The following ABLIM2 variants were observed in gnomAD, a reference collection of about 807,000 sequenced individuals.
ABLIM2 encodes actin-binding LIM protein 2.
In ABLIM2, 53 loss-of-function variants were observed where a neutral mutation model predicts 97.7. That is an observed-to-expected ratio of 0.54 (90% CI 0.44 to 0.68). The LOEUF (loss-of-function observed/expected upper bound fraction) is 0.68, where lower values mean the gene tolerates loss of function less well. Among genes scored for constraint, ABLIM2 ranks in the 30% least tolerant of loss-of-function variants. The probability of loss-of-function intolerance (pLI) is 0.00; values close to 1 mark genes in which losing one functional copy is unlikely to be tolerated. For missense variants in ABLIM2, 835 were observed against 867.2 expected (o/e 0.96, Z 0.47); for synonymous variants, 361 against 345.8 (o/e 1.04, Z -0.49).
At chr4:7,983,622 G>T in intron 18 of ABLIM2, 68 bp from the exon 19 acceptor site, 1 of 1,579,576 alleles carries the variant, frequency 6.3e-7, no homozygotes, top group South Asian at 1.1e-5. Context: ...CAAGGTGAGT[G>T]CAATCCCTGC....
Position 8,069,663 on chromosome 4 carries a change from C to T in ABLIM2, c.675+7965G>A, listed in dbSNP as rs1360632521. ...GTGTGCTGTCTTGGTTGTCTGTGTG[C>T]ATTTCTGTGTGTCTCTGTGTGTGTT... On this transcript the variant is annotated intron_variant, in intron 6 of 20. Coordinates refer to ENST00000447017, the MANE Select transcript of ABLIM2 (RefSeq NM_001130083.2). This position sits in a 1 kb window ranked among gnomAD's most constrained non-coding sequence, Gnocchi z 4.2. Among the ~76,000 whole-genome samples, 1 of 151,630 alleles carries T rather than the reference C, an allele frequency of 6.6e-6. No homozygotes were observed. The highest frequency in any genetic ancestry group is 1.9e-4 in the East Asian group (1 of 5,164).
At chr4:7,989,938 T>C (rs2149859893) in intron 17 of ABLIM2, among the ~76,000 whole-genome samples, 1 of 152,298 alleles carries the variant, frequency 6.6e-6, no homozygotes, top group South Asian at 2.1e-4. Context: ...CAAGGGTAGG[T>C]TATGAGCATC....
At position 8,140,606 on chromosome 4, in the gene ABLIM2, C is replaced by G. The variant is rs921767367; in HGVS notation, c.10+18074G>C. The stretch of plus-strand genomic sequence containing the variant: ...CAAACGCGCATTCTGTCTGTGATAC[C>G]GTTACTCCCATGGCCACTGCTACTG... On this transcript the variant is annotated intron_variant, in intron 1 of 20. Coordinates refer to ENST00000447017, the MANE Select transcript of ABLIM2 (RefSeq NM_001130083.2). This position sits in a 1 kb window ranked among gnomAD's most constrained non-coding sequence, Gnocchi z 5.9. 6.6e-6 allele frequency among the ~76,000 whole-genome samples: 1 copy of G among 152,210 alleles called. No individual in the cohort carries two copies. The highest frequency in any genetic ancestry group is 2.1e-4 in the South Asian group (1 of 4,806).
At chr4:8,029,581 A>G in intron 11 of ABLIM2, 75 bp downstream of exon 11, 1 of 1,337,574 alleles carries the variant, frequency 7.5e-7, no homozygotes, top group East Asian at 2.9e-5. Flanking sequence ...ACCGAAAAAA[A>G]AAACTAAAAA....
At chr4:8,090,711 T>A (rs546292531) in intron 3 of ABLIM2, among the ~76,000 whole-genome samples, 27 of 152,036 alleles carry the variant, frequency 1.8e-4, no homozygotes, top group African/African-American at 6.5e-4. Context: ...TTGTCTTTTT[T>A]TTTATTTTTA....
chr4:8,090,979 T>C (rs1282863548), intron 3 of ABLIM2, among the ~76,000 whole-genome samples: 2 of 151,842 alleles, frequency 1.3e-5, no homozygotes, highest in Non-Finnish European at 2.9e-5. Flanking sequence ...AGCTTTCCTT[T>C]TGGGTGAATA....
intron 3 of ABLIM2, among the ~76,000 whole-genome samples, chr4:8,094,579 A>G (rs1830441650): frequency 6.6e-6 from 1 of 152,220 alleles, no homozygotes; most frequent in Non-Finnish European, 1.5e-5. Flanking sequence ...GCTTTTCTAT[A>G]CAATATCTGG....
chr4:8,075,146 G>A lies in ABLIM2; in HGVS notation c.675+2482C>T, dbSNP rs1376004904. Among the ~76,000 whole-genome samples the A allele has an allele frequency of 1.3e-5, 2 of 152,158 alleles. No homozygotes were observed. The highest frequency in any genetic ancestry group is 1.5e-5 in the Non-Finnish European group (1 of 68,034). On this transcript the variant is annotated intron_variant, in intron 6 of 20. Transcript: ENST00000447017. The surrounding 1 kb of genome is among the most constrained non-coding windows in gnomAD (Gnocchi z 4.4). ...GCGAGAGTAAAGCTTATGTCCGAAC[G>A]AACCTTGAAAACATCAAGCTATGTG...
At chr4:7,977,922 C>G (rs959770382) in intron 20 of ABLIM2, among the ~76,000 whole-genome samples, 1 of 152,024 alleles carries the variant, frequency 6.6e-6, no homozygotes, top group Non-Finnish European at 1.5e-5. Context: ...ACAGTATGAG[C>G]CCTCTTGATC....
At position 8,087,284 on chromosome 4, in the gene ABLIM2, G is replaced by C. The variant is rs1003468545; in HGVS notation, c.454+885C>G. ...GAGCCTGTGTGCCATCTCATGATCC[G>C]GCAGAGCCACCCCAGCTGGGAAAGG... On this transcript the variant is annotated intron_variant, in intron 4 of 20. Transcript: ENST00000447017. The surrounding 1 kb of genome is among the most constrained non-coding windows in gnomAD (Gnocchi z 4.6). Among the ~76,000 whole-genome samples the C allele has an allele frequency of 6.6e-6, 1 of 152,104 alleles. No individual in the cohort carries two copies. The highest frequency in any genetic ancestry group is 2.4e-5 in the African/African-American group (1 of 41,416).
intron 3 of ABLIM2, among the ~76,000 whole-genome samples, chr4:8,091,604 A>G (rs1828333417): frequency 1.7e-5 from 1 of 57,634 alleles, no homozygotes; most frequent in South Asian, 5.3e-4. Context: ...ATAATTATAT[A>G]TATTATGTAT....
chr4:8,037,178 G>A (rs1579372613), intron 9 of ABLIM2, among the ~76,000 whole-genome samples: 1 of 151,976 alleles, frequency 6.6e-6, no homozygotes, highest in East Asian at 1.9e-4. Context: ...TATTTTTATT[G>A]TTTTTTAAGA....
chr4:8,061,100 G>A lies in ABLIM2; in HGVS notation c.676-46C>T. ...AGAATGTTTCTACTAAAGCCAGAAA[G>A]GTCGGCTGGGTCCCAGCGCCCGGCA... On this transcript the variant is annotated intron_variant, in intron 6 of 20. Coordinates refer to ENST00000447017, the MANE Select transcript of ABLIM2 (RefSeq NM_001130083.2). The surrounding 1 kb of genome is among the most constrained non-coding windows in gnomAD (Gnocchi z 4.5). The A allele has an allele frequency of 6.6e-7, 1 of 1,525,612 alleles. No individual in the cohort carries two copies. Among genetic ancestry groups the A allele is most frequent in the Non-Finnish European group, 8.9e-7 (1 of 1,124,040 alleles). The allele number at this position is 1,525,612 out of a possible 1,614,324, so 94.5% of individuals were successfully genotyped here. A position where few individuals can be genotyped will look rare whatever the true frequency, so the allele number is the denominator to read the frequency against.
rs551518565 is a variant in ABLIM2 at position 8,122,588 on chromosome 4, C to T, written c.11-15951G>A. Among the ~76,000 whole-genome samples, 1 of 152,186 alleles carries T rather than the reference C, an allele frequency of 6.6e-6. No homozygotes were observed. Among genetic ancestry groups the T allele is most frequent in the Non-Finnish European group, 1.5e-5 (1 of 68,024 alleles). Reference sequence around the variant, plus strand: ...TCACGACCTCATCTAAACCCCATCACCTCCCCAAGGCCCCTCCTCCAAATA... The same window carrying T: ...TCACGACCTCATCTAAACCCCATCATCTCCCCAAGGCCCCTCCTCCAAATA... On this transcript the variant is annotated intron_variant, in intron 1 of 20. Transcript: ENST00000447017. The surrounding 1 kb of genome is among the most constrained non-coding windows in gnomAD (Gnocchi z 4.1).
At chr4:8,049,173 T>C (rs1794458972) in intron 8 of ABLIM2, among the ~76,000 whole-genome samples, 1 of 151,604 alleles carries the variant, frequency 6.6e-6, no homozygotes, top group Non-Finnish European at 1.5e-5. Flanking sequence ...GGGCTCCTTG[T>C]GGGCAGGGAC....
intron 19 of ABLIM2, 96 bp downstream of exon 19, chr4:7,983,449 GAC>G: frequency 6.3e-7 from 1 of 1,583,332 alleles, no homozygotes; most frequent in Non-Finnish European, 8.6e-7. Context: ...GTCTGCACCT[GAC>G]ACACACATTT....
At position 8,150,227 on chromosome 4, in the gene ABLIM2, C is replaced by T. The variant is rs981526386; in HGVS notation, c.10+8453G>A. On this transcript the variant is annotated intron_variant, in intron 1 of 20. Coordinates refer to ENST00000447017, the MANE Select transcript of ABLIM2 (RefSeq NM_001130083.2). The surrounding 1 kb of genome is among the most constrained non-coding windows in gnomAD (Gnocchi z 6.3). ...TGATGTCATTTTCCATGTGCGATCC[C>T]GGGGACACTGAGGTCTGCAGAAGCA... Among the ~76,000 whole-genome samples the T allele has an allele frequency of 1.3e-5, 2 of 152,158 alleles. No individual in the cohort carries two copies. The highest frequency in any genetic ancestry group is 2.4e-5 in the African/African-American group (1 of 41,424).
At chr4:8,036,517 G>A (rs991249167) in intron 9 of ABLIM2, among the ~76,000 whole-genome samples, 7 of 152,182 alleles carry the variant, frequency 4.6e-5, no homozygotes, top group South Asian at 2.1e-4. Flanking sequence ...GGGTCACAGC[G>A]CTTTGGGCAG....
At chr4:8,081,022 G>T (rs1307232984) in intron 4 of ABLIM2, among the ~76,000 whole-genome samples, 1 of 152,154 alleles carries the variant, frequency 6.6e-6, no homozygotes, top group Non-Finnish European at 1.5e-5. Flanking sequence ...ATTGAGCACT[G>T]ACTGCATGCA....
Sources: allele counts gnomAD v4.1 joint callset (sites outside exome capture counted in the v4.1 genomes callset), GRCh38; gene constraint gnomAD v4.1.1; non-coding constraint Gnocchi (gnomAD v3.1); transcripts MANE v1.5; gene names NCBI Gene and HGNC (gene_info 2026-07-23, HGNC 2026-07-21).